Variants in XYLT1 observed in about 807,000 individuals in gnomAD.
XYLT1 encodes xylosyltransferase 1, also known as beta-D-xylosyltransferase 1.
XYLT1 carries 36 observed loss-of-function variants against 91.3 expected under a neutral mutation model. The observed-to-expected ratio is 0.39, with a 90% CI of 0.30 to 0.52. The LOEUF (loss-of-function observed/expected upper bound fraction) is 0.52. Among genes scored for constraint, XYLT1 ranks in the 20% least tolerant of loss-of-function variants. The probability of loss-of-function intolerance (pLI) is 0.68; values close to 1 mark genes in which losing one functional copy is unlikely to be tolerated. For synonymous variants in XYLT1, 588 were observed against 532.0 expected (o/e 1.11, Z -1.45); for missense variants, 1,242 against 1,284.5 (o/e 0.97, Z 0.51).
intron 5 of XYLT1, among the ~76,000 whole-genome samples, chr16:17,159,806 G>A (rs538071625): frequency 6.6e-6 from 1 of 152,208 alleles, no homozygotes; most frequent in Non-Finnish European, 1.5e-5. Context: ...ATCCGCTTGC[G>A]CATACAGCTG....
At chr16:17,383,752 C>CTTTTTTTTTTTTTTTT (rs71373109) in intron 1 of XYLT1, among the ~76,000 whole-genome samples, 13 of 135,612 alleles carry the variant, frequency 9.6e-5, no homozygotes, top group Non-Finnish European at 1.3e-4. Flanking sequence ...GTGGAATTTT[C>CTTTTTTTTTTTTTTTT]TTTTTTTTTT....
At position 17,302,918 on chromosome 16, in the gene XYLT1, C is replaced by G. The variant is rs573514992; in HGVS notation, c.403-43420G>C. On this transcript the variant is annotated intron_variant, in intron 2 of 11. Transcript: ENST00000261381. ...GGTGAGGGGGAGAGAAAAGAGAAAG[C>G]GAGAGAGAGCTAGCAAGTGAGCACA... Among the ~76,000 whole-genome samples, 92 of 151,898 alleles carry G rather than the reference C, an allele frequency of 6.1e-4. 2 individuals are homozygous for G. The South Asian group carries it at 0.018, about 30-fold the overall frequency.
intron 5 of XYLT1, among the ~76,000 whole-genome samples, chr16:17,184,624 C>A (rs988265299): frequency 1.3e-5 from 2 of 152,158 alleles, no homozygotes; most frequent in African/African-American, 4.8e-5. Flanking sequence ...CAATGGCCAC[C>A]TGTGGCTAAC....
chr16:17,458,561 C>T (rs1422363734), intron 1 of XYLT1, among the ~76,000 whole-genome samples: 1 of 152,152 alleles, frequency 6.6e-6, no homozygotes, highest in Non-Finnish European at 1.5e-5. Flanking sequence ...TAACATCTAA[C>T]TTTAATCCTT....
At chr16:17,157,406 T>C (rs2031433724) in intron 6 of XYLT1, among the ~76,000 whole-genome samples, 1 of 150,962 alleles carries the variant, frequency 6.6e-6, no homozygotes, top group African/African-American at 2.4e-5. Context: ...AACAGAGATG[T>C]GGTCGGGGGC....
chr16:17,118,454 C>A (rs2029931400), intron 10 of XYLT1, among the ~76,000 whole-genome samples: 1 of 152,202 alleles, frequency 6.6e-6, no homozygotes, highest in African/African-American at 2.4e-5. Flanking sequence ...CATGTTTTTA[C>A]AGCTGCTCTA....
intron 3 of XYLT1, among the ~76,000 whole-genome samples, chr16:17,247,278 G>A (rs925111954): frequency 3.3e-5 from 5 of 152,144 alleles, no homozygotes; most frequent in Non-Finnish European, 5.9e-5. Flanking sequence ...GTGCCCAAGG[G>A]AGCAAGCCTC....
chr16:17,146,102 C>T (rs551343674), intron 6 of XYLT1, among the ~76,000 whole-genome samples: 1 of 151,790 alleles, frequency 6.6e-6, no homozygotes, highest in South Asian at 2.1e-4. Flanking sequence ...GAAAGAATTC[C>T]CTCTCACCGG....
rs562830609 is a variant in XYLT1, at chr16:17,131,739, T to C, written c.2027+2734A>G. On this transcript the variant is annotated intron_variant, in intron 9 of 11. Coordinates refer to ENST00000261381, the MANE Select transcript of XYLT1 (RefSeq NM_022166.4). ...AACATTATTTAATGAAAGGTTATAT[T>C]ATAGACTGGAAAGGCACAATTTGCC... Among the ~76,000 whole-genome samples the C allele has an allele frequency of 2.6e-5, 4 of 152,356 alleles. 1 individual carries two copies. The highest frequency in any genetic ancestry group is 9.6e-5 in the African/African-American group (4 of 41,574).
intron 2 of XYLT1, among the ~76,000 whole-genome samples, chr16:17,346,720 G>T (rs560433333): frequency 6.6e-6 from 1 of 152,278 alleles, no homozygotes; most frequent in South Asian, 2.1e-4. Context: ...TGAACGTGGA[G>T]ACTGGTCATC....
chr16:17,192,446 C>T lies in XYLT1; in HGVS notation c.1289+5766G>A, dbSNP rs148012527. Among the ~76,000 whole-genome samples, 21 of 152,300 alleles carry T rather than the reference C, an allele frequency of 1.4e-4. 1 individual carries two copies. The East Asian group carries it at 2.3e-3, about 17-fold the overall frequency. On this transcript the variant is annotated intron_variant, in intron 5 of 11. Transcript: ENST00000261381. ...CCAAGCCAAGAAACAGGGCAAAGTG[C>T]TATTGGCTTCATCTCTTCCTGCAGC...
intron 1 of XYLT1, among the ~76,000 whole-genome samples, chr16:17,463,219 T>C (rs529385855): frequency 2.0e-5 from 3 of 151,944 alleles, no homozygotes; most frequent in South Asian, 2.1e-4. Flanking sequence ...AAAGCAAAAA[T>C]AGACAAACGG....
chr16:17,315,082 T>C (rs2034607541), intron 2 of XYLT1, among the ~76,000 whole-genome samples: 1 of 152,174 alleles, frequency 6.6e-6, no homozygotes, highest in South Asian at 2.1e-4. Flanking sequence ...GGAGCTATGC[T>C]GGGGATGGCC....
At chr16:17,461,376 C>T (rs992870787) in intron 1 of XYLT1, among the ~76,000 whole-genome samples, 1 of 152,222 alleles carries the variant, frequency 6.6e-6, no homozygotes, top group Non-Finnish European at 1.5e-5. Context: ...CCCTAGAGAT[C>T]GGCCACTTAT....
intron 1 of XYLT1, among the ~76,000 whole-genome samples, chr16:17,409,654 G>T (rs2036082604): frequency 6.6e-6 from 1 of 150,826 alleles, no homozygotes; most frequent in Non-Finnish European, 1.5e-5. Context: ...GGTTCATGTG[G>T]TTCTCCTGCT....
At chr16:17,115,088 C>T (rs1183913093) in intron 11 of XYLT1, among the ~76,000 whole-genome samples, 1 of 152,088 alleles carries the variant, frequency 6.6e-6, no homozygotes. Context: ...TCGTGATCCA[C>T]CCGCCTCGGC....
chr16:17,165,794 C>T (rs2031667261), intron 5 of XYLT1, among the ~76,000 whole-genome samples: 2 of 152,220 alleles, frequency 1.3e-5, no homozygotes, highest in Non-Finnish European at 2.9e-5. Context: ...CTCCATTGAA[C>T]ACCCTTGAAT....
chr16:17,241,167 G>A (rs956679847), intron 3 of XYLT1, among the ~76,000 whole-genome samples: 12 of 152,222 alleles, frequency 7.9e-5, no homozygotes, highest in Non-Finnish European at 1.2e-4. Flanking sequence ...ATCAGCCACT[G>A]GGGTCCTCCC....
chr16:17,194,609 C>T (rs1198778403), intron 5 of XYLT1, among the ~76,000 whole-genome samples: 1 of 152,214 alleles, frequency 6.6e-6, no homozygotes, highest in East Asian at 1.9e-4. Flanking sequence ...TACTCCACCC[C>T]GCCACAAGCT....
Sources: gnomAD v4.1 joint callset for allele counts (sites outside exome capture counted in the v4.1 genomes callset) on GRCh38, gnomAD v4.1.1 for gene constraint, MANE v1.5 for transcripts, NCBI Gene and HGNC (gene_info 2026-07-23, HGNC 2026-07-21) for gene names.